Variants in RPS6KC1 observed in about 807,000 individuals in gnomAD.
The protein encoded by RPS6KC1 is inactive ribosomal protein S6 kinase delta-1.
RPS6KC1 carries 54 observed loss-of-function variants against 103.8 expected under a neutral mutation model. The observed-to-expected ratio is 0.52, with a 90% CI of 0.42 to 0.65. RPS6KC1 has a LOEUF of 0.65. RPS6KC1 is among the 30% of genes least tolerant of loss of function. The probability of loss-of-function intolerance (pLI) is 0.00; values close to 1 mark genes in which losing one functional copy is unlikely to be tolerated. For synonymous variants in RPS6KC1, 439 were observed against 438.7 expected (o/e 1.00, Z -0.01); for missense variants, 1,151 against 1,253.8 (o/e 0.92, Z 1.24).
At chr1:213,168,762 A>G (rs1205251725) in intron 7 of RPS6KC1, among the ~76,000 whole-genome samples, 4 of 152,022 alleles carry the variant, frequency 2.6e-5, no homozygotes, top group African/African-American at 9.7e-5. Flanking sequence ...AGCTGGGACT[A>G]CAGGCACCCA....
the RPS6KC1 span, among the ~76,000 whole-genome samples, chr1:213,621,040 T>A: frequency 2.6e-5 from 4 of 152,194 alleles, no homozygotes; most frequent in Non-Finnish European, 4.4e-5. Context: ...TCTTTCTGTG[T>A]CCAGTAAGTA....
the RPS6KC1 span, among the ~76,000 whole-genome samples, chr1:213,405,991 G>C: frequency 1.3e-5 from 2 of 152,234 alleles, no homozygotes; most frequent in African/African-American, 4.8e-5. Flanking sequence ...GAGCATCCAG[G>C]GGGCCCGATG....
the RPS6KC1 span, among the ~76,000 whole-genome samples, chr1:213,830,606 A>T: frequency 6.6e-6 from 1 of 151,968 alleles, no homozygotes; most frequent in African/African-American, 2.4e-5. Flanking sequence ...GGCCATGGTG[A>T]AAAGTTTGTA....
At chr1:213,741,581 C>T in the RPS6KC1 span, among the ~76,000 whole-genome samples, 3 of 152,014 alleles carry the variant, frequency 2.0e-5, no homozygotes, top group South Asian at 2.1e-4. Flanking sequence ...GTTCTGCTGT[C>T]GTCTTTTTAC....
At chr1:213,478,989 T>G in the RPS6KC1 span, among the ~76,000 whole-genome samples, 1 of 152,038 alleles carries the variant, frequency 6.6e-6, no homozygotes, top group Admixed American at 6.5e-5. Context: ...AGTCATTTTG[T>G]GCATGAAAAA....
chr1:213,137,797 A>ATCT (rs1299936930), intron 6 of RPS6KC1, among the ~76,000 whole-genome samples: 1 of 33,038 alleles, frequency 3.0e-5, no homozygotes, highest in African/African-American at 8.6e-5. Flanking sequence ...ATATATATAT[A>ATCT]TATTTTTTTT....
chr1:213,719,053 T>C, the RPS6KC1 span, among the ~76,000 whole-genome samples: 190 of 152,336 alleles, frequency 1.2e-3, no homozygotes, highest in Non-Finnish European at 2.0e-3. Context: ...CCTCTGAAGT[T>C]AACAGAGGCC....
At chr1:213,564,468 A>T in the RPS6KC1 span, among the ~76,000 whole-genome samples, 1 of 152,176 alleles carries the variant, frequency 6.6e-6, no homozygotes, top group African/African-American at 2.4e-5. Flanking sequence ...TCCTTCTGGT[A>T]TTCTGTTTTA....
chr1:213,106,210 T>G (rs2148796495), intron 4 of RPS6KC1, among the ~76,000 whole-genome samples: 1 of 152,280 alleles, frequency 6.6e-6, no homozygotes, highest in Non-Finnish European at 1.5e-5. Context: ...GCAGTGGTAT[T>G]CAGTCATTAT....
chr1:213,316,340 T>C, the RPS6KC1 span, among the ~76,000 whole-genome samples: 1 of 152,240 alleles, frequency 6.6e-6, no homozygotes, highest in African/African-American at 2.4e-5. Flanking sequence ...CAGTTCTTTA[T>C]AGCAGTGTGG....
chr1:213,416,317 A>T, the RPS6KC1 span, among the ~76,000 whole-genome samples: 1 of 152,250 alleles, frequency 6.6e-6, no homozygotes, highest in South Asian at 2.1e-4. Flanking sequence ...TGACTGAGTC[A>T]TCTTGCCATG....
rs371767437 is a variant in RPS6KC1 at position 213,252,942 on chromosome 1, G to A, written c.2912-8616G>A. Among the ~76,000 whole-genome samples the A allele has an allele frequency of 2.0e-5, 3 of 152,180 alleles. No homozygotes were observed. The East Asian group carries it at 5.8e-4, about 29-fold the overall frequency. ...CATAAACACTTTATTTACAATGATG[G>A]CTGCTTTTTAATTAAATTTTCTATG... On this transcript the variant is annotated intron_variant, in intron 12 of 14. Coordinates refer to ENST00000366960, the MANE Select transcript of RPS6KC1 (RefSeq NM_012424.6).
the RPS6KC1 span, among the ~76,000 whole-genome samples, chr1:213,423,528 G>A: frequency 2.4e-4 from 36 of 152,278 alleles, no homozygotes; most frequent in East Asian, 6.0e-3. Flanking sequence ...GGTGGCTTTG[G>A]GGGGTGAGGA....
the RPS6KC1 span, among the ~76,000 whole-genome samples, chr1:213,621,444 G>A: frequency 3.0e-4 from 45 of 152,002 alleles, 1 homozygote; most frequent in South Asian, 9.2e-3. Flanking sequence ...GGATGGCTAG[G>A]CATGTGCTAA....
chr1:213,190,987 A>G (rs1379606574), intron 8 of RPS6KC1, among the ~76,000 whole-genome samples: 2 of 152,080 alleles, frequency 1.3e-5, no homozygotes, highest in African/African-American at 4.8e-5. Flanking sequence ...TGGGTTCTCT[A>G]TTCTGTTCCA....
At chr1:213,795,657 T>C in the RPS6KC1 span, among the ~76,000 whole-genome samples, 1 of 152,148 alleles carries the variant, frequency 6.6e-6, no homozygotes, top group Non-Finnish European at 1.5e-5. Flanking sequence ...TTCTGTTTCG[T>C]TTTATTTTTT....
At chr1:213,131,203 CT>C (rs1558382891) in intron 6 of RPS6KC1, among the ~76,000 whole-genome samples, 1 of 151,934 alleles carries the variant, frequency 6.6e-6, no homozygotes, top group South Asian at 2.1e-4. Flanking sequence ...AGTCTTGTTT[CT>C]TTTTTCATTA....
At chr1:213,410,715 G>A in the RPS6KC1 span, among the ~76,000 whole-genome samples, 5 of 152,178 alleles carry the variant, frequency 3.3e-5, no homozygotes, top group Non-Finnish European at 7.3e-5. Flanking sequence ...TGGTGAGGAA[G>A]TGATTGAAGG....
the RPS6KC1 span, among the ~76,000 whole-genome samples, chr1:213,510,299 C>T: frequency 6.6e-6 from 1 of 152,158 alleles, no homozygotes; most frequent in Non-Finnish European, 1.5e-5. Flanking sequence ...TTCCAGTAAG[C>T]CCTTCAGTGT....
Sources: gnomAD v4.1 joint callset for allele counts (sites outside exome capture counted in the v4.1 genomes callset) on GRCh38, gnomAD v4.1.1 for gene constraint, MANE v1.5 for transcripts, NCBI Gene and HGNC (gene_info 2026-07-23, HGNC 2026-07-21) for gene names.